The following PDGFC variants were observed in gnomAD, a reference collection of about 807,000 sequenced individuals.
PDGFC encodes the protein platelet-derived growth factor C.
PDGFC carries 12 observed loss-of-function variants against 35.5 expected under a neutral mutation model. The ratio of observed to expected loss-of-function variants is 0.34; its 90% CI spans 0.22 to 0.55. PDGFC has a LOEUF of 0.55. PDGFC is among the 20% of genes least tolerant of loss of function. The pLI is 0.91. For synonymous variants in PDGFC, 159 were observed against 148.8 expected, an observed-to-expected ratio of 1.07 and a Z score of -0.50; for missense variants, 322 against 412.4, an observed-to-expected ratio of 0.78 and a Z score of 1.90.
At chr4:156,841,999 T>A (rs990775230) in intron 2 of PDGFC, 14 of 152,152 alleles carry the variant, frequency 9.2e-5, no homozygotes, top group Non-Finnish European at 1.6e-4. Flanking sequence ...TATTTCTAGA[T>A]CTGATGCAAT....
intron 3 of PDGFC, among the ~76,000 whole-genome samples, chr4:156,801,135 T>C (rs12505540): frequency 0.17 from 25,330 of 152,054 alleles, 2,258 homozygotes; most frequent in South Asian, 0.39. Flanking sequence ...TGATGACCAA[T>C]AGCTCCACTC....
At chr4:156,941,553 G>A (rs750902660) in intron 1 of PDGFC, among the ~76,000 whole-genome samples, 2 of 152,100 alleles carry the variant, frequency 1.3e-5, no homozygotes, top group Non-Finnish European at 2.9e-5. Flanking sequence ...TTAAAATAAT[G>A]TTATTGTAAT....
chr4:156,767,722 T>C (rs748736589), intron 5 of PDGFC, 51 bp downstream of exon 5: 7 of 1,139,520 alleles, frequency 6.1e-6, no homozygotes, highest in Non-Finnish European at 8.0e-6. Context: ...ACTGTTTTGT[T>C]CTAAGACATA....
intron 3 of PDGFC, among the ~76,000 whole-genome samples, chr4:156,795,061 TC>T (rs1731405678): frequency 6.6e-6 from 1 of 152,214 alleles, no homozygotes; most frequent in Non-Finnish European, 1.5e-5. Flanking sequence ...CTTACTGGCA[TC>T]CTTTCTGTTT....
intron 2 of PDGFC, among the ~76,000 whole-genome samples, chr4:156,848,430 T>C (rs1021979038): frequency 3.3e-5 from 5 of 151,930 alleles, no homozygotes; most frequent in African/African-American, 9.7e-5. Context: ...GTTTTATTGC[T>C]CTTTTGCACA....
chr4:156,788,893 A>C (rs1399585043), intron 3 of PDGFC, among the ~76,000 whole-genome samples: 8 of 152,172 alleles, frequency 5.3e-5, no homozygotes, highest in African/African-American at 1.9e-4. Flanking sequence ...AGTACTAGGA[A>C]AACTGGTTTT....
At chr4:156,912,541 C>A (rs1731062769) in intron 1 of PDGFC, among the ~76,000 whole-genome samples, 1 of 152,040 alleles carries the variant, frequency 6.6e-6, no homozygotes, top group Non-Finnish European at 1.5e-5. Flanking sequence ...TAGTAGACAA[C>A]AAAATAACAT....
intron 3 of PDGFC, 83 bp from the exon 4 acceptor site, chr4:156,772,976 C>G: frequency 1.1e-6 from 1 of 894,700 alleles, no homozygotes; most frequent in Admixed American, 1.9e-5. Context: ...ATTATAAAGA[C>G]TGAGGCTGGA....
chr4:156,825,766 A>G (rs1421675696), intron 2 of PDGFC, among the ~76,000 whole-genome samples: 1 of 151,718 alleles, frequency 6.6e-6, no homozygotes, highest in African/African-American at 2.4e-5. Flanking sequence ...TCTTTGATAC[A>G]CTGTTTTCCT....
intron 2 of PDGFC, among the ~76,000 whole-genome samples, chr4:156,830,019 A>G (rs1728889478): frequency 1.3e-5 from 2 of 152,170 alleles, no homozygotes; most frequent in East Asian, 1.9e-4. Flanking sequence ...CATTACTTCA[A>G]AAATGTATCT....
At chr4:156,958,362 G>C (rs1430856101) in intron 1 of PDGFC, among the ~76,000 whole-genome samples, 1 of 150,994 alleles carries the variant, frequency 6.6e-6, no homozygotes, top group African/African-American at 2.4e-5. Context: ...ACATTACACA[G>C]AAACTATAAT....
At chr4:156,890,668 C>A (rs997821753) in intron 1 of PDGFC, among the ~76,000 whole-genome samples, 2 of 152,140 alleles carry the variant, frequency 1.3e-5, no homozygotes, top group Non-Finnish European at 2.9e-5. Context: ...AAAGCAGGAA[C>A]AAGATCTCTT....
At position 156,772,708 on chromosome 4, in the gene PDGFC, A is replaced by T. The variant is rs199562156; in HGVS notation, c.681T>A (p.Phe227Leu). The change falls in exon 4 of 6, where the codon TTT becomes TTA. Residue 227 changes from phenylalanine to leucine, a missense_variant. Transcript: ENST00000502773. ...RPTWQLLGKAFVFGRKSRVVD... is the reference protein window; with the variant it reads ...RPTWQLLGKALVFGRKSRVVD... ...TACCTCTGGATTTTCTTCCAAAAACAAAAGCCTTGCCAAGAAGTTGCCAAG... is the reference window on the plus strand; with the variant it reads ...TACCTCTGGATTTTCTTCCAAAAACTAAAGCCTTGCCAAGAAGTTGCCAAG... 6.2e-7 allele frequency: 1 copy of T among 1,613,098 alleles called. No homozygotes were observed. The highest frequency in any genetic ancestry group is 1.7e-5 in the Admixed American group (1 of 59,964).
chr4:156,874,050 T>C (rs962405466), intron 1 of PDGFC: 6 of 152,164 alleles, frequency 3.9e-5, no homozygotes, highest in African/African-American at 1.4e-4. Flanking sequence ...GCATATATCA[T>C]CATGTGCAGC....
At chr4:156,910,473 GC>G (rs534983818) in intron 1 of PDGFC, among the ~76,000 whole-genome samples, 63 of 152,098 alleles carry the variant, frequency 4.1e-4, no homozygotes, top group African/African-American at 1.5e-3. Context: ...CTAGCTTGTA[GC>G]TTTTACAAAT....
At chr4:156,932,706 C>T (rs1286470277) in intron 1 of PDGFC, among the ~76,000 whole-genome samples, 24 of 128,724 alleles carry the variant, frequency 1.9e-4, no homozygotes, top group African/African-American at 2.5e-4. Context: ...TGAGAACACA[C>T]GGACACAGGA....
chr4:156,824,325 T>TATATATACACACACATATACAC (rs1313538089), intron 2 of PDGFC, among the ~76,000 whole-genome samples: 2 of 109,634 alleles, frequency 1.8e-5, no homozygotes, highest in African/African-American at 9.6e-5. Flanking sequence ...TATATATATA[T>TATATATACACACACATATACAC]ATACACACAC....
At chr4:156,901,810 G>T (rs570853423) in intron 1 of PDGFC, among the ~76,000 whole-genome samples, 5 of 152,066 alleles carry the variant, frequency 3.3e-5, no homozygotes, top group Middle Eastern at 3.4e-3. Context: ...ACAGGGTTTT[G>T]TCATGTTGGC....
At chr4:156,824,313 T>TGTAAGC (rs1732367134) in intron 2 of PDGFC, among the ~76,000 whole-genome samples, 2 of 45,238 alleles carry the variant, frequency 4.4e-5, no homozygotes, top group Non-Finnish European at 8.9e-5. Context: ...TATATATATA[T>TGTAAGC]ATATATATAT....
Sources: gnomAD v4.1 joint callset for allele counts (sites outside exome capture counted in the v4.1 genomes callset) on GRCh38, gnomAD v4.1.1 for gene constraint, MANE v1.5 for transcripts, NCBI Gene and HGNC (gene_info 2026-07-23, HGNC 2026-07-21) for gene names.